The following BRSK2 variants were observed in gnomAD, a reference collection of about 807,000 sequenced individuals.
The protein encoded by BRSK2 is serine/threonine-protein kinase BRSK2.
In BRSK2, 19 loss-of-function variants were observed where a neutral mutation model predicts 83.3. That is an observed-to-expected ratio of 0.23 (90% CI 0.16 to 0.33). The LOEUF is 0.33. Ranked by LOEUF, BRSK2 falls within the 10% of genes least tolerant of loss-of-function variation. The probability of loss-of-function intolerance (pLI) is 1.00; values close to 1 mark genes in which losing one functional copy is unlikely to be tolerated. For missense variants in BRSK2, 798 were observed against 1,042.3 expected (o/e 0.77, Z 3.23); for synonymous variants, 519 against 435.4 (o/e 1.19, Z -2.39).
chr11:1,450,276 G>T, intron 13 of BRSK2, among the ~76,000 whole-genome samples: 2 of 146,974 alleles, frequency 1.4e-5, no homozygotes, highest in Non-Finnish European at 3.0e-5. Context: ...TTCGTGGCCC[G>T]CCCCCTGGCC....
At chr11:1,451,226 T>A in intron 14 of BRSK2, 145 bp from the exon 15 acceptor site, 1 of 902,986 alleles carries the variant, frequency 1.1e-6, no homozygotes. Context: ...GGCCGGGAGC[T>A]GGGGTGGACC....
intron 9 of BRSK2, 52 bp downstream of exon 9, chr11:1,445,054 TGGA>T: frequency 6.3e-7 from 1 of 1,592,294 alleles, no homozygotes; most frequent in Non-Finnish European, 8.6e-7. Context: ...TGCTGTGGCC[TGGA>T]GGCCCTGCTA....
rs560456633 is a variant in BRSK2, at chr11:1,423,023, G to A, written c.92-13017G>A. 3.5e-4 allele frequency among the ~76,000 whole-genome samples: 54 copies of A among 152,294 alleles called. No homozygotes were observed. Among genetic ancestry groups the A allele is most frequent in the African/African-American group, 1.2e-3 (51 of 41,558 alleles). The stretch of plus-strand genomic sequence containing the variant: ...GAACAGAGCTTTGCGAAGATCAAGG[G>A]GAGGGCAATGCAGCTTGGGAGCCTT... On this transcript the variant is annotated intron_variant, in intron 1 of 19. Transcript: ENST00000528841. The surrounding 1 kb of genome is among the most constrained non-coding windows in gnomAD (Gnocchi z 6.5).
intron 1 of BRSK2, among the ~76,000 whole-genome samples, chr11:1,396,737 G>T (rs953906207): frequency 7.2e-5 from 11 of 152,230 alleles, no homozygotes; most frequent in Admixed American, 5.2e-4. Flanking sequence ...CAGCCCTGCT[G>T]GGCAGCCGGC....
rs777790450 is a variant in BRSK2 at position 1,447,780 on chromosome 11, C to T, written c.1226+1873C>T. ...GTGGCCGTCAGTAACTGTGTTTTCT[C>T]GCTCTGTTCTGCTGTAGTAAAGCAA... is the stretch of plus-strand genomic sequence containing the variant. On this transcript the variant is annotated intron_variant, in intron 12 of 19. Coordinates refer to ENST00000528841, the MANE Select transcript of BRSK2 (RefSeq NM_001256627.2). 8.2e-6 allele frequency: 13 copies of T among 1,594,112 alleles called. No homozygotes were observed. The Admixed American group carries it at 1.5e-4, about 19-fold the overall frequency.
At chr11:1,444,882 C>T in intron 8 of BRSK2, 89 bp from the exon 9 acceptor site, 2 of 1,277,420 alleles carry the variant, frequency 1.6e-6, no homozygotes, top group Non-Finnish European at 2.3e-6. Flanking sequence ...TCTCCGTGCT[C>T]CCAGCGCCCC....
intron 15 of BRSK2, 21 bp downstream of exon 15, chr11:1,451,440 G>A (rs1319538172): frequency 4.3e-6 from 7 of 1,612,002 alleles, no homozygotes; most frequent in Admixed American, 3.3e-5. Flanking sequence ...CCTGCTGGAG[G>A]CCTCCTGGTA....
chr11:1,403,554 G>A (rs546937821), intron 1 of BRSK2, among the ~76,000 whole-genome samples: 13 of 152,352 alleles, frequency 8.5e-5, no homozygotes, highest in East Asian at 3.9e-4. Flanking sequence ...GGGCCCAGGC[G>A]GTTGGAGCTG....
At chr11:1,420,524 G>C (rs981515383) in intron 1 of BRSK2, among the ~76,000 whole-genome samples, 2 of 152,198 alleles carry the variant, frequency 1.3e-5, no homozygotes, top group Non-Finnish European at 2.9e-5. Context: ...TCACGGCCAG[G>C]CTCCCTTTTG....
rs1435966070 is a variant in BRSK2 at position 1,460,874 on chromosome 11, G to T, written c.*151G>T. ...GGAAAGGAAAGGGGCGTTGGGGCCGGCCTGTGGGCTGCGCCACCCGCGCCC... is the reference window on the plus strand; with the variant it reads ...GGAAAGGAAAGGGGCGTTGGGGCCGTCCTGTGGGCTGCGCCACCCGCGCCC... On this transcript the variant is annotated 3_prime_UTR_variant, in exon 20 of 20. Coordinates refer to ENST00000528841, the MANE Select transcript of BRSK2 (RefSeq NM_001256627.2). 29 of 1,587,312 alleles carry T rather than the reference G, an allele frequency of 1.8e-5. No individual in the cohort carries two copies. Among genetic ancestry groups the T allele is most frequent in the Non-Finnish European group, 2.4e-5 (28 of 1,168,242 alleles).
intron 19 of BRSK2, chr11:1,459,495 G>A: frequency 3.8e-6 from 2 of 526,812 alleles, no homozygotes; most frequent in South Asian, 2.2e-5. Flanking sequence ...GGCCCAAGAA[G>A]GGGCTCCCAA....
At chr11:1,457,812 T>C (rs1314421856) in intron 18 of BRSK2, among the ~76,000 whole-genome samples, 1 of 148,956 alleles carries the variant, frequency 6.7e-6, no homozygotes, top group East Asian at 1.9e-4. Flanking sequence ...CCCCCCAGAG[T>C]GTGCTTCACC....
intron 1 of BRSK2, chr11:1,411,624 A>G (rs1847514845): frequency 6.4e-7 from 1 of 1,554,710 alleles, no homozygotes; most frequent in Admixed American, 1.9e-5. Context: ...CCTGCAGCCC[A>G]GCCCAGCAGG....
In BRSK2 at chr11:1,449,844, A is replaced by AC. The variant is rs568092784; in HGVS notation, c.1287+14dup. 7.9e-5 allele frequency: 127 copies of AC among 1,598,154 alleles called. 3 individuals are homozygous for AC. In the South Asian group the frequency reaches 1.2e-3, roughly 15 times the overall value. On this transcript the variant is annotated intron_variant, in intron 13 of 19. Coordinates refer to ENST00000528841, the MANE Select transcript of BRSK2 (RefSeq NM_001256627.2). Reference sequence around the variant, plus strand: ...CCACTCAGCAGCCCCCGGGTGAGTGACCCCCCGCCCCCACCCAGCTCGGAT... The same window carrying AC: ...CCACTCAGCAGCCCCCGGGTGAGTGACCCCCCCGCCCCCACCCAGCTCGGAT...
At chr11:1,418,499 G>T (rs1447042482) in intron 1 of BRSK2, among the ~76,000 whole-genome samples, 2 of 139,366 alleles carry the variant, frequency 1.4e-5, no homozygotes, top group African/African-American at 5.4e-5. Context: ...GCTTCTGTGG[G>T]CTGTTTCTTC....
At chr11:1,435,227 G>A (rs1034648202) in intron 1 of BRSK2, among the ~76,000 whole-genome samples, 5 of 141,060 alleles carry the variant, frequency 3.5e-5, no homozygotes, top group East Asian at 2.2e-4. Context: ...GCCGGTGGGG[G>A]TCTCAGCGGA....
At chr11:1,416,378 T>C (rs927908204) in intron 1 of BRSK2, among the ~76,000 whole-genome samples, 1 of 152,246 alleles carries the variant, frequency 6.6e-6, no homozygotes, top group East Asian at 1.9e-4. Context: ...TTTTGCAGGG[T>C]CAGTCTTCGA....
chr11:1,424,192 A>T (rs1848940700), intron 1 of BRSK2, among the ~76,000 whole-genome samples: 1 of 152,164 alleles, frequency 6.6e-6, no homozygotes, highest in African/African-American at 2.4e-5. Flanking sequence ...TGGCCTCCGG[A>T]ACTGCTCCGT....
intron 1 of BRSK2, among the ~76,000 whole-genome samples, chr11:1,420,897 C>G (rs1848578172): frequency 6.6e-6 from 1 of 152,218 alleles, no homozygotes; most frequent in Non-Finnish European, 1.5e-5. Context: ...GCTTGAGCCT[C>G]TCATGGGGAG....
Sources: gnomAD v4.1 joint callset for allele counts (sites outside exome capture counted in the v4.1 genomes callset) on GRCh38, gnomAD v4.1.1 for gene constraint, Gnocchi (gnomAD v3.1) non-coding constraint, MANE v1.5 for transcripts, NCBI Gene and HGNC (gene_info 2026-07-23, HGNC 2026-07-21) for gene names.